The following SSH1 variants were observed in gnomAD, a reference collection of about 807,000 sequenced individuals.
SSH1 encodes protein phosphatase Slingshot homolog 1.
A neutral mutation model predicts 79.7 loss-of-function variants in SSH1; 43 were observed. The observed-to-expected ratio is 0.54, with a 90% CI of 0.42 to 0.70. The LOEUF (loss-of-function observed/expected upper bound fraction) is 0.70, where lower values mean the gene tolerates loss of function less well. SSH1 is among the 30% of genes least tolerant of loss of function. The probability of loss-of-function intolerance (pLI) is 0.00; values close to 1 mark genes in which losing one functional copy is unlikely to be tolerated. For missense variants in SSH1, 1,206 were observed against 1,358.8 expected, an observed-to-expected ratio of 0.89 and a Z score of 1.77; for synonymous variants, 599 against 538.3, an observed-to-expected ratio of 1.11 and a Z score of -1.56.
At chr12:108,812,627 T>C (rs2037672362) in intron 5 of SSH1, among the ~76,000 whole-genome samples, 1 of 152,188 alleles carries the variant, frequency 6.6e-6, no homozygotes, top group South Asian at 2.1e-4. Context: ...CCTAAGCCCC[T>C]AGGCCGGCCT....
intron 2 of SSH1, among the ~76,000 whole-genome samples, chr12:108,842,876 G>A (rs2038812553): frequency 6.6e-6 from 1 of 152,172 alleles, no homozygotes; most frequent in African/African-American, 2.4e-5. Flanking sequence ...CTCCTCCAGG[G>A]AATGGGAATT....
intron 1 of SSH1, chr12:108,853,334 CTTATT>C: frequency 1.0e-6 from 1 of 985,258 alleles, no homozygotes; most frequent in Non-Finnish European, 1.2e-6. Context: ...GTACCTATGA[CTTATT>C]TTTATTTTTT....
chr12:108,797,507 A>G (rs1178856697), intron 13 of SSH1, among the ~76,000 whole-genome samples: 3 of 152,084 alleles, frequency 2.0e-5, no homozygotes, highest in South Asian at 2.1e-4. Context: ...CTTTTTACCA[A>G]TTGAATGTTG....
intron 11 of SSH1, among the ~76,000 whole-genome samples, chr12:108,801,528 A>G (rs1269941484): frequency 6.6e-6 from 1 of 152,226 alleles, no homozygotes; most frequent in African/African-American, 2.4e-5. Flanking sequence ...AATACCTAAG[A>G]AAATCATTAA....
Position 108,781,229 on chromosome 12 carries a change from G to A in SSH1, c.*6759C>T, listed in dbSNP as rs1221036364. 17 of 151,884 alleles carry A rather than the reference G, an allele frequency of 1.1e-4. No homozygotes were observed. The highest frequency in any genetic ancestry group is 1.5e-5 in the Non-Finnish European group (1 of 68,004). The allele number at this position is 151,884 out of a possible 1,614,324, so 9.4% of individuals were successfully genotyped here. On this transcript the variant is annotated 3_prime_UTR_variant, in exon 15 of 15. Transcript: ENST00000326495. ...AAACCAGGAGTTCAAGACCAGTCTG[G>A]GCAACATAGTGAGACCCTATCTTTT...
chr12:108,852,465 T>G (rs1411123901), intron 2 of SSH1, among the ~76,000 whole-genome samples, 173 bp downstream of exon 2: 2 of 151,854 alleles, frequency 1.3e-5, no homozygotes, highest in African/African-American at 2.4e-5. Context: ...CTCCTGACCT[T>G]GTGATCCACC....
chr12:108,853,446 C>T, intron 1 of SSH1: 1 of 679,584 alleles, frequency 1.5e-6, no homozygotes, highest in Non-Finnish European at 1.8e-6. Flanking sequence ...TTATGTTGCA[C>T]AGAGGCGCCC....
At position 108,807,122 on chromosome 12, in the gene SSH1, C is replaced by T. The variant is rs931475610; in HGVS notation, c.731+511G>A. Among the ~76,000 whole-genome samples, 2 of 152,228 alleles carry T rather than the reference C, an allele frequency of 1.3e-5. No individual in the cohort carries two copies. Among genetic ancestry groups the T allele is most frequent in the Non-Finnish European group, 2.9e-5 (2 of 68,046 alleles). On this transcript the variant is annotated intron_variant, in intron 8 of 14. Transcript: ENST00000326495. The surrounding 1 kb of genome is among the most constrained non-coding windows in gnomAD (Gnocchi z 5.2). ...TTCAGCGAGTGTGGCCTCTCCATGTCAGCGCTGTCGTAGGTCACACGACAC... is the reference window on the plus strand; with the variant it reads ...TTCAGCGAGTGTGGCCTCTCCATGTTAGCGCTGTCGTAGGTCACACGACAC...
At chr12:108,821,629 CTTAG>C (rs967896910) in intron 3 of SSH1, among the ~76,000 whole-genome samples, 15 of 152,108 alleles carry the variant, frequency 9.9e-5, no homozygotes, top group African/African-American at 3.6e-4. Flanking sequence ...CCTGTTACGG[CTTAG>C]TAAGTTGGAG....
rs1351009000 is a variant in SSH1 at position 108,785,917 on chromosome 12, G to C, written c.*2071C>G. ...GAGGGAAAGGGGGAACAACCCACAG[G>C]GGTTTAGGAATAAGTGGATAATCAC... On this transcript the variant is annotated 3_prime_UTR_variant, in exon 15 of 15. Coordinates refer to ENST00000326495, the MANE Select transcript of SSH1 (RefSeq NM_018984.4). The C allele has an allele frequency of 6.6e-6, 1 of 152,166 alleles. No individual in the cohort carries two copies. Among genetic ancestry groups the C allele is most frequent in the Non-Finnish European group, 1.5e-5 (1 of 68,034 alleles). 9.4% of individuals were successfully genotyped at this position (152,166 alleles called of 1,614,324 possible).
rs2039048525 is a variant in SSH1 at position 108,851,987 on chromosome 12, G to A, written c.110+651C>T. 1.3e-5 allele frequency among the ~76,000 whole-genome samples: 2 copies of A among 152,054 alleles called. 1 individual carries two copies. Among genetic ancestry groups the A allele is most frequent in the Admixed American group, 1.3e-4 (2 of 15,252 alleles). ...ACTTCAGGAGGCCAAGCAGGAAGATGTCTTGAGGCCAGGAGTCCAAGACCA... is the reference window on the plus strand; with the variant it reads ...ACTTCAGGAGGCCAAGCAGGAAGATATCTTGAGGCCAGGAGTCCAAGACCA... On this transcript the variant is annotated intron_variant, in intron 2 of 14. Coordinates refer to ENST00000326495, the MANE Select transcript of SSH1 (RefSeq NM_018984.4).
intron 9 of SSH1, among the ~76,000 whole-genome samples, chr12:108,805,654 T>C (rs1180865893): frequency 1.3e-5 from 2 of 150,436 alleles, no homozygotes; most frequent in Non-Finnish European, 3.0e-5. Context: ...AGGCCAGGAG[T>C]TCAAGACCAG....
chr12:108,838,182 T>C (rs1322560818), intron 2 of SSH1, among the ~76,000 whole-genome samples: 1 of 152,250 alleles, frequency 6.6e-6, no homozygotes, highest in East Asian at 1.9e-4. Flanking sequence ...AAGCTTCAGA[T>C]GATTTTACTG....
intron 2 of SSH1, among the ~76,000 whole-genome samples, chr12:108,844,252 C>G (rs935459836): frequency 2.0e-5 from 3 of 151,828 alleles, no homozygotes; most frequent in Non-Finnish European, 2.9e-5. Flanking sequence ...CCATCCCTCC[C>G]TAAGTCCAAA....
At chr12:108,815,456 T>C (rs1412215522) in intron 5 of SSH1, among the ~76,000 whole-genome samples, 2 of 152,226 alleles carry the variant, frequency 1.3e-5, no homozygotes, top group South Asian at 2.1e-4. Context: ...AAAGCATTAT[T>C]GGAACAGGCC....
At chr12:108,817,482 C>T (rs967771332) in intron 4 of SSH1, 5 of 356,042 alleles carry the variant, frequency 1.4e-5, no homozygotes, top group South Asian at 2.2e-5. Flanking sequence ...GACTGAGGCA[C>T]GAGAATCTCT....
intron 14 of SSH1, among the ~76,000 whole-genome samples, chr12:108,791,610 T>C (rs535204607): frequency 6.6e-6 from 1 of 152,148 alleles, no homozygotes; most frequent in East Asian, 1.9e-4. Flanking sequence ...ATAGAAAAGA[T>C]TAACCGGGTG....
chr12:108,782,791 T>C lies in SSH1; in HGVS notation c.*5197A>G, dbSNP rs1321131622. On this transcript the variant is annotated 3_prime_UTR_variant, in exon 15 of 15. Coordinates refer to ENST00000326495, the MANE Select transcript of SSH1 (RefSeq NM_018984.4). ...TAAAAAAAAAGTGCATTCTGCATCT[T>C]CTACTGCAAATTCACAGTACAAAAG... The C allele has an allele frequency of 6.6e-6, 1 of 152,194 alleles. No homozygotes were observed. Among genetic ancestry groups the C allele is most frequent in the Non-Finnish European group, 1.5e-5 (1 of 68,040 alleles). The allele number at this position is 152,194 out of a possible 1,614,324, so 9.4% of individuals were successfully genotyped here. A position where few individuals can be genotyped will look rare whatever the true frequency, so the allele number is the denominator to read the frequency against.
At chr12:108,835,181 C>T (rs1480262958) in intron 2 of SSH1, among the ~76,000 whole-genome samples, 1 of 152,222 alleles carries the variant, frequency 6.6e-6, no homozygotes, top group Non-Finnish European at 1.5e-5. Context: ...ATAAATGTAA[C>T]ACCAATAACA....
Sources: gnomAD v4.1 joint callset for allele counts (sites outside exome capture counted in the v4.1 genomes callset) on GRCh38, gnomAD v4.1.1 for gene constraint, Gnocchi (gnomAD v3.1) non-coding constraint, MANE v1.5 for transcripts, NCBI Gene and HGNC (gene_info 2026-07-23, HGNC 2026-07-21) for gene names.